The following RCAN2 variants were observed in gnomAD, a reference collection of about 807,000 sequenced individuals.
RCAN2 encodes regulator of calcineurin 2, also known as calcipressin-2.
RCAN2 carries 9 observed loss-of-function variants against 23.6 expected under a neutral mutation model. The observed-to-expected ratio is 0.38, with a 90% CI of 0.23 to 0.67. The LOEUF (loss-of-function observed/expected upper bound fraction) is 0.67, where lower values mean the gene tolerates loss of function less well. RCAN2 is among the 30% of genes least tolerant of loss of function. The pLI is 0.51. For synonymous variants in RCAN2, 109 were observed against 115.7 expected (o/e 0.94, Z 0.37); for missense variants, 273 against 302.3 (o/e 0.90, Z 0.72).
intron 2 of RCAN2, among the ~76,000 whole-genome samples, chr6:46,405,702 A>C (rs1766379286): frequency 6.6e-6 from 1 of 152,204 alleles, no homozygotes; most frequent in Non-Finnish European, 1.5e-5. Context: ...AGCTGGCTTC[A>C]CCTAGTAGAT....
At chr6:46,241,565 T>C (rs1766306756) in intron 4 of RCAN2, among the ~76,000 whole-genome samples, 1 of 152,194 alleles carries the variant, frequency 6.6e-6, no homozygotes. Context: ...AGAAATAAAA[T>C]GTGAGGGAAC....
intron 2 of RCAN2, among the ~76,000 whole-genome samples, chr6:46,332,581 T>G (rs556770434): frequency 6.6e-6 from 1 of 152,018 alleles, no homozygotes; most frequent in African/African-American, 2.4e-5. Flanking sequence ...GTTCTTGTGA[T>G]AGTTTACTGA....
intron 2 of RCAN2, among the ~76,000 whole-genome samples, chr6:46,302,998 G>C (rs1338401274): frequency 1.3e-5 from 2 of 152,000 alleles, no homozygotes; most frequent in African/African-American, 4.8e-5. Context: ...ACTGTTGGAG[G>C]CAGGTTTTCT....
chr6:46,414,471 T>C (rs1766644895), intron 2 of RCAN2, among the ~76,000 whole-genome samples: 1 of 152,244 alleles, frequency 6.6e-6, no homozygotes, highest in South Asian at 2.1e-4. Flanking sequence ...TGTGTCGAAC[T>C]TGGCTAGGTC....
At chr6:46,468,786 A>G in intron 1 of RCAN2, 1 of 984,026 alleles carries the variant, frequency 1.0e-6, no homozygotes. Flanking sequence ...TAGATGTTCC[A>G]GAGCCTTGCT....
intron 2 of RCAN2, among the ~76,000 whole-genome samples, chr6:46,355,957 GGCTGGA>G (rs1764817568): frequency 1.3e-5 from 2 of 152,182 alleles, no homozygotes; most frequent in Non-Finnish European, 2.9e-5. Flanking sequence ...TAACCCAGCT[GGCTGGA>G]GCACCCCATC....
At chr6:46,406,065 G>A (rs1040391283) in intron 2 of RCAN2, among the ~76,000 whole-genome samples, 23 of 152,218 alleles carry the variant, frequency 1.5e-4, no homozygotes, top group African/African-American at 5.1e-4. Flanking sequence ...CCGAATGCGG[G>A]GCCCGCCAAG....
At chr6:46,249,830 G>A (rs147932235) in intron 2 of RCAN2, among the ~76,000 whole-genome samples, 1 of 152,098 alleles carries the variant, frequency 6.6e-6, no homozygotes, top group African/African-American at 2.4e-5. Flanking sequence ...CTTCACTCTG[G>A]GTCCCTGAGT....
At chr6:46,261,738 AT>A (rs1312112231) in intron 2 of RCAN2, among the ~76,000 whole-genome samples, 1 of 152,162 alleles carries the variant, frequency 6.6e-6, no homozygotes, top group African/African-American at 2.4e-5. Context: ...AACTAACTTG[AT>A]TTTATTGATG....
intron 2 of RCAN2, among the ~76,000 whole-genome samples, chr6:46,333,683 C>T (rs575069489): frequency 6.6e-6 from 1 of 152,332 alleles, no homozygotes; most frequent in South Asian, 2.1e-4. Context: ...ATGCATTGGA[C>T]ATTTTCCCAT....
chr6:46,336,078 C>T (rs903516564), intron 2 of RCAN2, among the ~76,000 whole-genome samples: 16 of 152,132 alleles, frequency 1.1e-4, no homozygotes, highest in African/African-American at 3.4e-4. Context: ...CTTGTACATT[C>T]TAGAGGAGGG....
chr6:46,324,755 C>T (rs1179940405), intron 2 of RCAN2, among the ~76,000 whole-genome samples: 1 of 152,216 alleles, frequency 6.6e-6, no homozygotes, highest in Non-Finnish European at 1.5e-5. Context: ...TGAGGACCAG[C>T]ATGTATAATA....
At chr6:46,437,644 C>T (rs1449328049) in intron 2 of RCAN2, among the ~76,000 whole-genome samples, 1 of 152,150 alleles carries the variant, frequency 6.6e-6, no homozygotes, top group Non-Finnish European at 1.5e-5. Context: ...TCAGGAAAAA[C>T]CTAGAAAGGC....
At chr6:46,473,039 A>G (rs1361789835) in intron 1 of RCAN2, among the ~76,000 whole-genome samples, 2 of 152,194 alleles carry the variant, frequency 1.3e-5, no homozygotes, top group Admixed American at 6.5e-5. Context: ...TTTTAATTTA[A>G]GTGACAATGT....
In RCAN2 at chr6:46,310,317, T is replaced by C. The variant is rs376797698; in HGVS notation, c.226-61421A>G. On this transcript the variant is annotated intron_variant, in intron 2 of 4. Transcript: ENST00000371374. ...GTTGAAGCATTCAGATGGTATTATG[T>C]TGTGCTCATTCAGAATTAAAGAGTT... is the stretch of plus-strand genomic sequence containing the variant. Among the ~76,000 whole-genome samples the C allele has an allele frequency of 1.5e-3, 224 of 152,256 alleles. 1 individual carries two copies. The highest frequency in any genetic ancestry group is 5.0e-3 in the African/African-American group (209 of 41,542).
intron 2 of RCAN2, among the ~76,000 whole-genome samples, chr6:46,262,678 C>G (rs1767152082): frequency 6.6e-6 from 1 of 152,124 alleles, no homozygotes; most frequent in Non-Finnish European, 1.5e-5. Context: ...CTCCCCACAG[C>G]TTTTAGAATA....
intron 4 of RCAN2, among the ~76,000 whole-genome samples, chr6:46,241,577 A>G (rs1031663565): frequency 2.6e-5 from 4 of 152,238 alleles, no homozygotes; most frequent in African/African-American, 9.6e-5. Context: ...TGAGGGAACG[A>G]AAGGCATAAG....
intron 2 of RCAN2, among the ~76,000 whole-genome samples, chr6:46,402,943 C>G (rs1766294619): frequency 6.6e-6 from 1 of 151,892 alleles, no homozygotes; most frequent in Admixed American, 6.6e-5. Context: ...AACACACATA[C>G]TAGGTTGCTA....
At chr6:46,288,925 C>T (rs919355685) in intron 2 of RCAN2, among the ~76,000 whole-genome samples, 1 of 152,264 alleles carries the variant, frequency 6.6e-6, no homozygotes, top group South Asian at 2.1e-4. Flanking sequence ...GATGTAAATG[C>T]AACATCAAGC....
Sources: gnomAD v4.1 joint callset for allele counts (sites outside exome capture counted in the v4.1 genomes callset) on GRCh38, gnomAD v4.1.1 for gene constraint, MANE v1.5 for transcripts, NCBI Gene and HGNC (gene_info 2026-07-23, HGNC 2026-07-21) for gene names.